The following NPAS3 variants were observed in gnomAD, a reference collection of about 807,000 sequenced individuals.
NPAS3 encodes neuronal PAS domain protein 3.
Under a neutral mutation model 73.1 loss-of-function variants are expected in NPAS3, and 14 were observed. The ratio of observed to expected loss-of-function variants is 0.19; its 90% CI spans 0.13 to 0.30. NPAS3 has a LOEUF of 0.30. Ranked by LOEUF, NPAS3 falls within the 10% of genes least tolerant of loss-of-function variation. The pLI, the probability that NPAS3 is intolerant of heterozygous loss-of-function variation, is 1.00. For missense variants in NPAS3, 1,096 were observed against 1,250.0 expected (o/e 0.88, Z 1.86); for synonymous variants, 620 against 541.5 (o/e 1.14, Z -2.01).
chr14:33,647,781 C>T (rs756027952), intron 5 of NPAS3, among the ~76,000 whole-genome samples: 8 of 152,088 alleles, frequency 5.3e-5, no homozygotes, highest in South Asian at 2.1e-4. Flanking sequence ...TGCATGTTCC[C>T]GTATATAGTT....
chr14:33,057,404 A>G (rs1188336770), intron 2 of NPAS3, among the ~76,000 whole-genome samples: 1 of 152,184 alleles, frequency 6.6e-6, no homozygotes, highest in Non-Finnish European at 1.5e-5. Context: ...TTTGTTGTAT[A>G]CTTTGAAAAA....
At chr14:33,494,551 C>T (rs1307239395) in intron 4 of NPAS3, among the ~76,000 whole-genome samples, 1 of 152,044 alleles carries the variant, frequency 6.6e-6, no homozygotes. Context: ...AGTGACGTTT[C>T]AGCTGGGGAA....
rs188273404 is a variant in NPAS3 at position 33,752,881 on chromosome 14, G to A, written c.852+17549G>A. Among the ~76,000 whole-genome samples the A allele has an allele frequency of 2.8e-3, 425 of 152,192 alleles. 2 individuals are homozygous for A. The highest frequency in any genetic ancestry group is 8.6e-3 in the African/African-American group (358 of 41,542). ...AGTTCAACTCTCTGTGTATCAGAAT[G>A]CTGTAAAACAGGATTCACCCATAAT... On this transcript the variant is annotated intron_variant, in intron 7 of 11. Coordinates refer to ENST00000356141, the Ensembl canonical transcript of NPAS3.
intron 2 of NPAS3, among the ~76,000 whole-genome samples, chr14:33,142,279 A>G (rs984755792): frequency 6.9e-6 from 1 of 144,434 alleles, no homozygotes; most frequent in African/African-American, 2.6e-5. Flanking sequence ...AAAAAGGAAT[A>G]CTTCCCTATC....
chr14:32,963,517 T>C (rs1053359000), intron 1 of NPAS3, among the ~76,000 whole-genome samples: 2 of 152,184 alleles, frequency 1.3e-5, no homozygotes, highest in Admixed American at 1.3e-4. Context: ...ATTCCCTGTA[T>C]AATTGATGCC....
At chr14:33,499,837 A>G (rs868737901) in intron 4 of NPAS3, among the ~76,000 whole-genome samples, 1 of 151,808 alleles carries the variant, frequency 6.6e-6, no homozygotes, top group Non-Finnish European at 1.5e-5. Flanking sequence ...CTTTCCCGCT[A>G]TTTCCAACTG....
intron 4 of NPAS3, among the ~76,000 whole-genome samples, chr14:33,367,929 T>C (rs571547477): frequency 1.2e-4 from 19 of 152,264 alleles, no homozygotes; most frequent in African/African-American, 3.4e-4. Flanking sequence ...TTCAAAACTT[T>C]TTTTTACTAA....
chr14:33,215,083 G>T, intron 2 of NPAS3, 99 bp from the exon 3 acceptor site: 2 of 1,296,450 alleles, frequency 1.5e-6, no homozygotes, highest in Admixed American at 2.2e-5. Flanking sequence ...GTTTTTGGTA[G>T]AATTTTGGTG....
intron 4 of NPAS3, among the ~76,000 whole-genome samples, chr14:33,488,169 GT>G (rs2051706645): frequency 6.6e-6 from 1 of 152,054 alleles, no homozygotes; most frequent in South Asian, 2.1e-4. Context: ...AGGCATTGGA[GT>G]GGAGAAAGTG....
intron 5 of NPAS3, among the ~76,000 whole-genome samples, chr14:33,590,150 C>T (rs1237434487): frequency 6.6e-6 from 1 of 152,020 alleles, no homozygotes; most frequent in East Asian, 1.9e-4. Flanking sequence ...CAGAAAATTC[C>T]TCAGTATATT....
intron 4 of NPAS3, among the ~76,000 whole-genome samples, chr14:33,462,699 C>T (rs2050328197): frequency 6.6e-6 from 1 of 152,148 alleles, no homozygotes; most frequent in Non-Finnish European, 1.5e-5. Flanking sequence ...GCCTAAGGCA[C>T]CCGGGAAGAC....
chr14:33,173,331 G>A (rs970628973), intron 2 of NPAS3, among the ~76,000 whole-genome samples: 1 of 152,108 alleles, frequency 6.6e-6, no homozygotes, highest in Non-Finnish European at 1.5e-5. Flanking sequence ...AATGATAAAT[G>A]TATGCCATAT....
intron 1 of NPAS3, among the ~76,000 whole-genome samples, chr14:33,014,523 A>G (rs554228639): frequency 3.1e-4 from 47 of 152,304 alleles, no homozygotes; most frequent in African/African-American, 1.1e-3. Flanking sequence ...CATTATTAAT[A>G]TAGTCTTTGA....
chr14:33,515,325 T>G (rs2053245899), intron 4 of NPAS3, among the ~76,000 whole-genome samples: 1 of 152,080 alleles, frequency 6.6e-6, no homozygotes, highest in South Asian at 2.1e-4. Flanking sequence ...TTATTTTGAA[T>G]GGGCATATTT....
chr14:33,661,955 G>A (rs2059321295), intron 5 of NPAS3, among the ~76,000 whole-genome samples: 1 of 152,164 alleles, frequency 6.6e-6, no homozygotes, highest in Non-Finnish European at 1.5e-5. Context: ...AACTGAAGGG[G>A]TTTGGTAAAA....
Position 33,563,146 on chromosome 14 carries a change from G to C in NPAS3, c.558+2936G>C, listed in dbSNP as rs972311602. On this transcript the variant is annotated intron_variant, in intron 5 of 11. Coordinates refer to ENST00000356141, the Ensembl canonical transcript of NPAS3. ...GCATGTCAGTTTGTTACAGAGCATA[G>C]CTATGTCTGTATTGCTAACTCTCAA... Among the ~76,000 whole-genome samples, 15 of 152,272 alleles carry C rather than the reference G, an allele frequency of 9.9e-5. No individual in the cohort carries two copies. In the East Asian group the frequency reaches 2.7e-3, roughly 27 times the overall value.
chr14:33,285,840 A>G (rs1169363579), intron 3 of NPAS3, among the ~76,000 whole-genome samples: 1 of 152,128 alleles, frequency 6.6e-6, no homozygotes, highest in African/African-American at 2.4e-5. Context: ...TCCAAATAGA[A>G]TTGAAAGCTT....
intron 1 of NPAS3, among the ~76,000 whole-genome samples, chr14:33,047,734 A>G (rs542644049): frequency 6.6e-6 from 1 of 152,242 alleles, no homozygotes; most frequent in South Asian, 2.1e-4. Context: ...CACAAATGTG[A>G]AGGGTGCTGT....
intron 3 of NPAS3, among the ~76,000 whole-genome samples, chr14:33,320,046 T>A (rs1275290042): frequency 6.6e-6 from 1 of 152,034 alleles, no homozygotes; most frequent in Non-Finnish European, 1.5e-5. Context: ...TCCTGGTCAA[T>A]CGGGAAGGAG....
Sources: gnomAD v4.1 joint callset for allele counts (sites outside exome capture counted in the v4.1 genomes callset) on GRCh38, gnomAD v4.1.1 for gene constraint, MANE v1.5 for transcripts, NCBI Gene and HGNC (gene_info 2026-07-23, HGNC 2026-07-21) for gene names.